The following CACTIN variants were observed in gnomAD, a reference collection of about 807,000 sequenced individuals.
CACTIN encodes the protein splicing factor Cactin.
Under a neutral mutation model 84.9 loss-of-function variants are expected in CACTIN, and 20 were observed. The observed-to-expected ratio is 0.24, with a 90% confidence interval of 0.17 to 0.34. CACTIN has a LOEUF of 0.34. Among genes scored for constraint, CACTIN ranks in the 10% least tolerant of loss-of-function variants. The pLI is 1.00. For synonymous variants in CACTIN, 549 were observed against 467.9 expected, an observed-to-expected ratio of 1.17 and a Z score of -2.24; for missense variants, 897 against 1,117.2, an observed-to-expected ratio of 0.80 and a Z score of 2.81.
At chr19:3,620,643 A>T in intron 3 of CACTIN, 64 bp downstream of exon 3, 1 of 1,350,684 alleles carries the variant, frequency 7.4e-7, no homozygotes, top group Non-Finnish European at 1.0e-6. Context: ...GTCCTGCCAA[A>T]GGGGGCGGGC....
rs777402329 is a variant in CACTIN, at chr19:3,618,926, C to T, written c.1111G>A (p.Glu371Lys). Residue 371 changes from glutamate (E) to lysine (K), a missense_variant, in exon 6 of 10, where the codon GAG becomes AAG. By Grantham distance (56) the Glu-to-Lys change is moderately conservative. Transcript: ENST00000429344. ...TTGCGGAGCTTGGAGATCTCGTCCT[C>T]GGTGATGGTGGTCATGTCCCGCCAG... The part of the protein sequence containing the change: ...DFWRDMTTIT[E>K]DEISKLRKLE... 1.0e-5 allele frequency: 16 copies of T among 1,560,042 alleles called. No homozygotes were observed. Among genetic ancestry groups the T allele is most frequent in the East Asian group, 2.4e-5 (1 of 41,604 alleles).
intron 9 of CACTIN, among the ~76,000 whole-genome samples, chr19:3,612,633 T>C (rs1300763507): frequency 1.3e-5 from 2 of 152,314 alleles, no homozygotes; most frequent in East Asian, 3.9e-4. Flanking sequence ...ATCGTCCTCC[T>C]GGGTGGGGAC....
intron 2 of CACTIN, among the ~76,000 whole-genome samples, chr19:3,621,981 C>G (rs1002565098): frequency 6.6e-6 from 1 of 152,200 alleles, no homozygotes; most frequent in Non-Finnish European, 1.5e-5. Flanking sequence ...GCTCCACCCC[C>G]TCCACAAGTG....
chr19:3,624,075 G>T lies in CACTIN; in HGVS notation c.255C>A (p.Ser85=). Residue 85 remains serine, a synonymous_variant, in exon 2 of 10, where the codon TCC becomes TCA. Coordinates refer to ENST00000429344, the MANE Select transcript of CACTIN (RefSeq NM_001080543.2). ...PRPKWHSRDG[S]SQSDSGEEQS... ...GCTCCTCTCCTGAGTCCGACTGAGA[G>T]GACCCATCTCTTGAGTGCCACTTGG... 6.2e-7 allele frequency: 1 copy of T among 1,602,250 alleles called. No individual in the cohort carries two copies.
In CACTIN at chr19:3,612,040, A is replaced by C; in HGVS notation, c.2160T>G (p.Ala720=). The change falls in exon 10 of 10, where the codon GCT becomes GCG. Residue 720 remains alanine (A), a synonymous_variant. Coordinates refer to ENST00000429344, the MANE Select transcript of CACTIN (RefSeq NM_001080543.2). The part of the protein sequence containing the change: ...FHAGPPYEDI[A]FKIVNREWEY... ...CCCACTCGCGGTTGACGATCTTGAA[A>C]GCGATGTCCTCGTAGGGCGGCCCCG... The C allele has an allele frequency of 6.2e-7, 1 of 1,613,786 alleles. No individual in the cohort carries two copies. Among genetic ancestry groups the C allele is most frequent in the Non-Finnish European group, 8.5e-7 (1 of 1,179,898 alleles).
In CACTIN at chr19:3,619,183, A is replaced by G. The variant is rs1240014982; in HGVS notation, c.944T>C (p.Ile315Thr). 1.2e-6 allele frequency: 2 copies of G among 1,613,238 alleles called. No individual in the cohort carries two copies. The highest frequency in any genetic ancestry group is 4.5e-5 in the East Asian group (2 of 44,874). The change falls in exon 5 of 10, where the codon ATC becomes ACC. Residue 315 changes from isoleucine (I) to threonine (T), a missense_variant. Around this residue, in one of 8 missense-constraint regions of CACTIN, gnomAD observed 304 missense variants for 444.3 expected, o/e 0.68. Coordinates refer to ENST00000429344, the MANE Select transcript of CACTIN (RefSeq NM_001080543.2). The part of the protein sequence containing the change: ...AKPIDLLAKY[I>T]SAEDDDLAVE... The stretch of plus-strand genomic sequence containing the variant: ...GGCCAGATCGTCATCCTCAGCGCTG[A>G]TGTACTTGGCCAGCAGGTCGATGGG...
chr19:3,625,824 G>C (rs1239458213), intron 1 of CACTIN, among the ~76,000 whole-genome samples: 1 of 152,254 alleles, frequency 6.6e-6, no homozygotes, highest in Non-Finnish European at 1.5e-5. Flanking sequence ...GGCTGAGCCA[G>C]CACTGGGGCC....
At chr19:3,614,030 CTGG>C in intron 7 of CACTIN, 1 of 473,246 alleles carries the variant, frequency 2.1e-6, no homozygotes, top group South Asian at 2.3e-5. Flanking sequence ...GGGCGCAGGC[CTGG>C]GCGCAAGGCA....
Position 3,618,183 on chromosome 19 carries a change from G to T in CACTIN, c.1162+692C>A, listed in dbSNP as rs35118600. Among the ~76,000 whole-genome samples, 504 of 138,240 alleles carry T rather than the reference G, an allele frequency of 3.6e-3. 21 individuals are homozygous for T. The highest frequency in any genetic ancestry group is 4.4e-3 in the Non-Finnish European group (284 of 64,966). The allele number at this position is 138,240 out of a possible 152,430, so 90.7% of individuals were successfully genotyped here. ...CTGTGGTTGGCTTTTAGACCGGGGG[G>T]GGGGGGGGTCTCATCTAGGGCAATT... On this transcript the variant is annotated intron_variant, in intron 6 of 9. Transcript: ENST00000429344.
intron 6 of CACTIN, among the ~76,000 whole-genome samples, chr19:3,617,704 G>A (rs762831425): frequency 6.6e-6 from 1 of 151,698 alleles, no homozygotes; most frequent in South Asian, 2.1e-4. Flanking sequence ...TAGGGTCTGC[G>A]GCTTCTGAAG....
chr19:3,615,868 C>G lies in CACTIN; in HGVS notation c.1163-1279G>C, dbSNP rs1353792481. 1 of 152,290 alleles carries G rather than the reference C, an allele frequency of 6.6e-6. No individual in the cohort carries two copies. The highest frequency in any genetic ancestry group is 2.4e-5 in the African/African-American group (1 of 41,426). 9.4% of individuals were successfully genotyped at this position (152,290 alleles called of 1,614,324 possible). A position where few individuals can be genotyped will look rare whatever the true frequency, so the allele number is the denominator to read the frequency against. On this transcript the variant is annotated intron_variant, in intron 6 of 9. Coordinates refer to ENST00000429344, the MANE Select transcript of CACTIN (RefSeq NM_001080543.2). The surrounding 1 kb of genome is among the most constrained non-coding windows in gnomAD (Gnocchi z 5.2). ...GAATCGGCACCCAGAGCTGCAGCCC[C>G]TTTGCTGGGCGCTAAGTGGCACTGG...
In CACTIN at chr19:3,611,416, CG is replaced by C. The variant is rs2032947264; in HGVS notation, c.*506del. 2 of 419,926 alleles carry C rather than the reference CG, an allele frequency of 4.8e-6. No homozygotes were observed. Among genetic ancestry groups the C allele is most frequent in the South Asian group, 1.7e-5 (1 of 59,072 alleles). The allele number at this position is 419,926 out of a possible 1,614,324, so 26.0% of individuals were successfully genotyped here. A position where few individuals can be genotyped will look rare whatever the true frequency, so the allele number is the denominator to read the frequency against. On this transcript the variant is annotated 3_prime_UTR_variant, in exon 10 of 10. Coordinates refer to ENST00000429344, the MANE Select transcript of CACTIN (RefSeq NM_001080543.2). ...CAGGGCTGGAGCTGCCCCACAGCCG[CG>C]GGCTCTGCCTCACGCCCAGTGGGTG...
At chr19:3,618,621 C>A (rs975016568) in intron 6 of CACTIN, among the ~76,000 whole-genome samples, 1 of 152,230 alleles carries the variant, frequency 6.6e-6, no homozygotes, top group African/African-American at 2.4e-5. Flanking sequence ...CCGGCACCGC[C>A]GAGTCAGCGT....
chr19:3,612,728 C>T (rs972447738), intron 9 of CACTIN: 1 of 696,074 alleles, frequency 1.4e-6, no homozygotes, highest in African/African-American at 1.8e-5. Flanking sequence ...CGCATGACCC[C>T]CGAGGGGGTC....
Position 3,611,153 on chromosome 19 carries a change from T to G in CACTIN, c.*770A>C. The G allele has an allele frequency of 7.8e-6, 3 of 387,012 alleles. No homozygotes were observed. The highest frequency in any genetic ancestry group is 3.1e-5 in the Admixed American group (1 of 32,066). 24.0% of individuals were successfully genotyped at this position (387,012 alleles called of 1,614,324 possible). A position where few individuals can be genotyped will look rare whatever the true frequency, so the allele number is the denominator to read the frequency against. ...GCCCTCCAGGCCCTGTGCTCAGAGG[T>G]GGGGGGAGGACGGCTCAGTGACTTT... On this transcript the variant is annotated 3_prime_UTR_variant, in exon 10 of 10. Transcript: ENST00000429344.
intron 6 of CACTIN, among the ~76,000 whole-genome samples, chr19:3,618,397 G>A (rs374711354): frequency 2.0e-5 from 3 of 152,238 alleles, no homozygotes; most frequent in South Asian, 2.1e-4. Flanking sequence ...GAGCATCCCC[G>A]GTGACCATGT....
intron 4 of CACTIN, among the ~76,000 whole-genome samples, chr19:3,619,925 G>A (rs921274082): frequency 1.3e-5 from 2 of 152,174 alleles, no homozygotes; most frequent in Admixed American, 1.3e-4. Context: ...GTTCACCTGG[G>A]CCCGTCTCCT....
rs761795759 is a variant in CACTIN at position 3,624,105 on chromosome 19, CG to C, written c.224del (p.Pro75ArgfsTer60). On this transcript the variant is annotated frameshift_variant, in exon 2 of 10. Transcript: ENST00000429344. LOFTEE classifies it high-confidence loss of function. ...CATCTCTTGAGTGCCACTTGGGCCGCGGGGGGCTCCGGCTTCGCATCCCTGA... is the reference window on the plus strand; with the variant it reads ...CATCTCTTGAGTGCCACTTGGGCCGCGGGGGCTCCGGCTTCGCATCCCTGA... ...QRSGMRSRSP[P>X]RPKWHSRDGS... The C allele has an allele frequency of 3.1e-6, 5 of 1,588,598 alleles. No homozygotes were observed. The highest frequency in any genetic ancestry group is 1.1e-5 in the South Asian group (1 of 90,638).
chr19:3,624,029 G>A lies in CACTIN; in HGVS notation c.301C>T (p.Arg101Cys), dbSNP rs1041912810. 2 of 1,605,278 alleles carry A rather than the reference G, an allele frequency of 1.2e-6. No homozygotes were observed. The highest frequency in any genetic ancestry group is 1.1e-5 in the South Asian group (1 of 91,082). ...GEEQSRGQWA[R>C]RRRRARSWSP... ...CACGAGCGTGCGCGCCGTCGCCGGC[G>A]AGCCCACTGGCCCCGTGACTGCTCC... The change falls in exon 2 of 10, where the codon CGC becomes TGC. Residue 101 changes from arginine (R) to cysteine (C), a missense_variant. Transcript: ENST00000429344.
Sources: allele counts gnomAD v4.1 joint callset (sites outside exome capture counted in the v4.1 genomes callset), GRCh38; gene constraint gnomAD v4.1.1; regional missense constraint gnomAD v4.1.1; non-coding constraint Gnocchi (gnomAD v3.1); transcripts MANE v1.5; gene names NCBI Gene and HGNC (gene_info 2026-07-23, HGNC 2026-07-21).